Variants in GRM5 observed in about 807,000 individuals in gnomAD.
The protein encoded by GRM5 is metabotropic glutamate receptor 5.
A neutral mutation model predicts 83.1 loss-of-function variants in GRM5; 19 were observed. That is an observed-to-expected ratio of 0.23 (90% confidence interval 0.16 to 0.34). GRM5 has a LOEUF of 0.34. Ranked by LOEUF, GRM5 falls within the 10% of genes least tolerant of loss-of-function variation. GRM5 has a pLI of 1.00. For synonymous variants in GRM5, 675 were observed against 633.6 expected (o/e 1.07, Z -0.98); for missense variants, 1,160 against 1,588.3 (o/e 0.73, Z 4.58).
intron 2 of GRM5, among the ~76,000 whole-genome samples, chr11:88,967,252 T>TACAC (rs1939010553): frequency 6.2e-5 from 1 of 16,152 alleles, no homozygotes; most frequent in African/African-American, 1.2e-3. Context: ...TATACACATA[T>TACAC]ATATATATAT....
intron 2 of GRM5, among the ~76,000 whole-genome samples, chr11:88,931,971 T>C (rs1162288938): frequency 2.0e-5 from 3 of 152,182 alleles, no homozygotes; most frequent in East Asian, 1.9e-4. Flanking sequence ...AGAGTAGCAA[T>C]TGAGTGCATC....
chr11:88,866,196 T>G (rs1468504743), intron 2 of GRM5, among the ~76,000 whole-genome samples: 1 of 151,978 alleles, frequency 6.6e-6, no homozygotes, highest in Admixed American at 6.6e-5. Flanking sequence ...AATGTGGCAC[T>G]TATATACCAT....
intron 2 of GRM5, among the ~76,000 whole-genome samples, chr11:88,861,970 G>A (rs1414497138): frequency 1.3e-5 from 2 of 152,096 alleles, no homozygotes; most frequent in East Asian, 1.9e-4. Flanking sequence ...AGTATTTGTT[G>A]AATAAATAAA....
intron 3 of GRM5, among the ~76,000 whole-genome samples, chr11:88,838,469 G>C (rs1383725257): frequency 1.3e-5 from 2 of 152,142 alleles, no homozygotes; most frequent in African/African-American, 4.8e-5. Flanking sequence ...AGCAAGTCCT[G>C]TGATTGTTCA....
intron 3 of GRM5, among the ~76,000 whole-genome samples, chr11:88,826,939 G>T (rs1017892986): frequency 2.0e-5 from 3 of 152,146 alleles, no homozygotes; most frequent in Non-Finnish European, 4.4e-5. Context: ...ACAATCTCTT[G>T]AGATGTCATA....
chr11:88,760,956 C>T lies in GRM5; in HGVS notation c.911+88950G>A, dbSNP rs538479837. ...ACATAAACAGAACTAAAGCCAAAAA[C>T]CACATGATTATTTCAATAGATGCAG... On this transcript the variant is annotated intron_variant, in intron 3 of 9. Coordinates refer to ENST00000305447, the MANE Select transcript of GRM5 (RefSeq NM_001143831.3). Among the ~76,000 whole-genome samples the T allele has an allele frequency of 3.0e-4, 46 of 152,150 alleles. 1 individual carries two copies. The highest frequency in any genetic ancestry group is 2.6e-3 in the Admixed American group (40 of 15,280).
chr11:88,535,267 C>A (rs1180881797), intron 8 of GRM5, among the ~76,000 whole-genome samples: 1 of 152,144 alleles, frequency 6.6e-6, no homozygotes, highest in African/African-American at 2.4e-5. Flanking sequence ...GATTCACTTG[C>A]CACTTTACTC....
chr11:88,997,259 G>A (rs762676216), intron 2 of GRM5, among the ~76,000 whole-genome samples: 9 of 151,120 alleles, frequency 6.0e-5, no homozygotes, highest in African/African-American at 1.9e-4. Flanking sequence ...CCCAAGAGGC[G>A]GAGGTTGCAC....
At chr11:88,572,150 T>G (rs569412690) in intron 7 of GRM5, among the ~76,000 whole-genome samples, 11 of 152,328 alleles carry the variant, frequency 7.2e-5, no homozygotes, top group Non-Finnish European at 1.5e-4. Context: ...TAGTGAGCTT[T>G]GAAAAGCTAT....
chr11:88,753,571 G>C (rs755372332), intron 3 of GRM5, among the ~76,000 whole-genome samples: 4 of 152,002 alleles, frequency 2.6e-5, no homozygotes, highest in Non-Finnish European at 4.4e-5. Flanking sequence ...CCCATTACTA[G>C]GTACATACTC....
intron 3 of GRM5, among the ~76,000 whole-genome samples, chr11:88,695,218 A>T (rs1457800556): frequency 1.3e-5 from 2 of 152,340 alleles, no homozygotes; most frequent in Non-Finnish European, 2.9e-5. Context: ...TCTGAAATTT[A>T]ATAACCTCTA....
At chr11:89,064,888 CTG>C (rs71464050) in intron 1 of GRM5, among the ~76,000 whole-genome samples, 1,331 of 62,018 alleles carry the variant, frequency 0.021, 44 homozygotes, top group Non-Finnish European at 0.029. Context: ...CTCTCTCTCT[CTG>C]TGTGTGTGTG....
chr11:88,966,120 A>C (rs959764795), intron 2 of GRM5, among the ~76,000 whole-genome samples: 2 of 152,130 alleles, frequency 1.3e-5, no homozygotes, highest in African/African-American at 4.8e-5. Flanking sequence ...AAGTACTTGG[A>C]AATTAAACAA....
intron 8 of GRM5, among the ~76,000 whole-genome samples, chr11:88,566,183 G>T (rs1942870344): frequency 6.6e-6 from 1 of 152,152 alleles, no homozygotes; most frequent in Non-Finnish European, 1.5e-5. Context: ...TTAAATAGAG[G>T]TGATACTTAG....
intron 3 of GRM5, among the ~76,000 whole-genome samples, chr11:88,778,624 T>C (rs1350572486): frequency 6.6e-6 from 1 of 152,180 alleles, no homozygotes; most frequent in Non-Finnish European, 1.5e-5. Context: ...GTTATTAAAA[T>C]ACTTAAAACT....
chr11:89,034,120 A>G (rs181292220), intron 2 of GRM5, among the ~76,000 whole-genome samples: 1 of 151,800 alleles, frequency 6.6e-6, no homozygotes, highest in East Asian at 1.9e-4. Context: ...TTAATTACTT[A>G]TTATGGATTT....
At chr11:88,625,220 A>T (rs1176564284) in intron 4 of GRM5, among the ~76,000 whole-genome samples, 2 of 152,114 alleles carry the variant, frequency 1.3e-5, no homozygotes, top group Admixed American at 6.5e-5. Flanking sequence ...CAGGATTTCT[A>T]CCTCACTCAG....
intron 7 of GRM5, among the ~76,000 whole-genome samples, chr11:88,583,653 T>C (rs1213771500): frequency 1.3e-5 from 2 of 152,190 alleles, no homozygotes; most frequent in Admixed American, 1.3e-4. Context: ...ACTGGGGACC[T>C]AAAGATCTTT....
At chr11:88,917,287 G>T (rs12293978) in intron 2 of GRM5, among the ~76,000 whole-genome samples, 4,441 of 152,196 alleles carry the variant, frequency 0.029, 211 homozygotes, top group African/African-American at 0.1. Flanking sequence ...CTGGGCTTGG[G>T]GTGCCCCCTA....
Sources: gnomAD v4.1 joint callset for allele counts (sites outside exome capture counted in the v4.1 genomes callset) on GRCh38, gnomAD v4.1.1 for gene constraint, MANE v1.5 for transcripts, NCBI Gene and HGNC (gene_info 2026-07-23, HGNC 2026-07-21) for gene names.